The following GUCY1A2 variants were observed in gnomAD, a reference collection of about 807,000 sequenced individuals.
The protein encoded by GUCY1A2 is guanylate cyclase 1 soluble subunit alpha 2, also known as guanylate cyclase soluble subunit alpha-2.
A neutral mutation model predicts 63.5 loss-of-function variants in GUCY1A2; 27 were observed. That is an observed-to-expected ratio of 0.43 (90% CI 0.31 to 0.59). The LOEUF is 0.59. Among genes scored for constraint, GUCY1A2 ranks in the 20% least tolerant of loss-of-function variants. The pLI is 0.11. For missense variants in GUCY1A2, 768 were observed against 913.3 expected (o/e 0.84, Z 2.05); for synonymous variants, 364 against 343.5 (o/e 1.06, Z -0.66).
chr11:106,932,600 C>T (rs957212387), intron 4 of GUCY1A2, among the ~76,000 whole-genome samples: 4 of 152,052 alleles, frequency 2.6e-5, no homozygotes, highest in Admixed American at 6.6e-5. Flanking sequence ...CATTATTTTT[C>T]ACAGAACTGG....
chr11:106,968,168 T>C (rs1469101812), intron 3 of GUCY1A2, among the ~76,000 whole-genome samples: 1 of 152,212 alleles, frequency 6.6e-6, no homozygotes, highest in African/African-American at 2.4e-5. Context: ...TAAAATTATC[T>C]AGAGAATGTA....
chr11:106,887,604 G>A lies in GUCY1A2; in HGVS notation c.1206+51856C>T, dbSNP rs868127304. Among the ~76,000 whole-genome samples the A allele has an allele frequency of 1.1e-4, 16 of 152,262 alleles. 1 individual carries two copies. In the South Asian group the frequency reaches 3.1e-3, roughly 30 times the overall value. Reference sequence around the variant, plus strand: ...CACCAAAGCCCTGCTGAGACCTCATGCCAATCACTTCAATGACTCTGAGTC... The same window carrying A: ...CACCAAAGCCCTGCTGAGACCTCATACCAATCACTTCAATGACTCTGAGTC... On this transcript the variant is annotated intron_variant, in intron 4 of 7. Coordinates refer to ENST00000526355, the MANE Select transcript of GUCY1A2 (RefSeq NM_000855.3).
intron 4 of GUCY1A2, among the ~76,000 whole-genome samples, chr11:106,919,096 G>T (rs934288043): frequency 1.3e-5 from 2 of 152,208 alleles, no homozygotes; most frequent in African/African-American, 2.4e-5. Context: ...AGGAGGCATT[G>T]TCTCTGCCTG....
chr11:106,777,792 C>T (rs1424143312), intron 5 of GUCY1A2, among the ~76,000 whole-genome samples: 2 of 152,008 alleles, frequency 1.3e-5, no homozygotes, highest in Non-Finnish European at 2.9e-5. Flanking sequence ...ACAAAACCTG[C>T]ATGTTCTGCA....
intron 5 of GUCY1A2, among the ~76,000 whole-genome samples, chr11:106,781,956 C>T (rs1383179421): frequency 6.6e-6 from 1 of 152,168 alleles, no homozygotes; most frequent in Non-Finnish European, 1.5e-5. Context: ...TAACATTTTT[C>T]TCCTTGCCCT....
chr11:106,871,182 C>A (rs571286302), intron 4 of GUCY1A2, among the ~76,000 whole-genome samples: 1 of 152,196 alleles, frequency 6.6e-6, no homozygotes, highest in South Asian at 2.1e-4. Context: ...GATTAATCAA[C>A]CTTCAGTAAT....
At chr11:106,902,386 T>G (rs1440624537) in intron 4 of GUCY1A2, among the ~76,000 whole-genome samples, 1 of 152,186 alleles carries the variant, frequency 6.6e-6, no homozygotes, top group Admixed American at 6.5e-5. Context: ...AAACGAAAAT[T>G]GGTTTCAACT....
At chr11:106,964,908 A>G (rs1321299777) in intron 3 of GUCY1A2, among the ~76,000 whole-genome samples, 1 of 152,146 alleles carries the variant, frequency 6.6e-6, no homozygotes, top group Admixed American at 6.6e-5. Context: ...TGAACCCGGG[A>G]GGCAGAGCTT....
intron 7 of GUCY1A2, among the ~76,000 whole-genome samples, chr11:106,698,119 A>ATTTTTTTTT (rs71470827): frequency 0.022 from 2,236 of 100,372 alleles, 272 homozygotes; most frequent in South Asian, 0.046. Context: ...GAATGTTAGA[A>ATTTTTTTTT]TTTTTTTTTT....
intron 6 of GUCY1A2, among the ~76,000 whole-genome samples, chr11:106,729,761 G>A (rs903503470): frequency 5.3e-5 from 8 of 152,006 alleles, no homozygotes; most frequent in African/African-American, 1.9e-4. Context: ...TCTTGATATT[G>A]TTTCTCACAA....
intron 4 of GUCY1A2, among the ~76,000 whole-genome samples, chr11:106,907,259 T>C (rs1860223206): frequency 6.6e-6 from 1 of 152,132 alleles, no homozygotes; most frequent in Middle Eastern, 3.4e-3. Flanking sequence ...TGGCTTGCCA[T>C]AGTTGTGCCT....
intron 5 of GUCY1A2, among the ~76,000 whole-genome samples, chr11:106,788,641 A>C (rs1047895074): frequency 6.6e-6 from 1 of 152,198 alleles, no homozygotes; most frequent in Non-Finnish European, 1.5e-5. Flanking sequence ...TTTTCCCAGC[A>C]TCATTTATTG....
intron 3 of GUCY1A2, among the ~76,000 whole-genome samples, chr11:106,969,701 G>T (rs573006006): frequency 6.6e-6 from 1 of 152,192 alleles, no homozygotes; most frequent in African/African-American, 2.4e-5. Flanking sequence ...TTCTCACATA[G>T]TAAGGGAAGA....
intron 6 of GUCY1A2, among the ~76,000 whole-genome samples, chr11:106,756,082 A>T (rs564638346): frequency 6.6e-6 from 1 of 152,208 alleles, no homozygotes; most frequent in South Asian, 2.1e-4. Context: ...AGTTGCATTG[A>T]TCCCTTTACC....
chr11:106,796,847 C>G (rs758275481), intron 5 of GUCY1A2, among the ~76,000 whole-genome samples: 1 of 152,130 alleles, frequency 6.6e-6, no homozygotes, highest in Non-Finnish European at 1.5e-5. Flanking sequence ...GGAAGTTCTC[C>G]TGGATAATAA....
chr11:106,720,759 G>T (rs745961192), intron 6 of GUCY1A2, among the ~76,000 whole-genome samples: 5 of 152,114 alleles, frequency 3.3e-5, no homozygotes. Flanking sequence ...GCCTAAGGAG[G>T]TATGATTACC....
At chr11:106,991,533 CCTTTCA>C (rs1274630417) in intron 1 of GUCY1A2, among the ~76,000 whole-genome samples, 3 of 152,150 alleles carry the variant, frequency 2.0e-5, no homozygotes, top group Admixed American at 1.3e-4. Flanking sequence ...ACGGTTGAAA[CCTTTCA>C]CTTAAGATAT....
chr11:106,911,167 TACA>T (rs1240572352), intron 4 of GUCY1A2, among the ~76,000 whole-genome samples: 1 of 152,018 alleles, frequency 6.6e-6, no homozygotes, highest in Admixed American at 6.6e-5. Context: ...ATACAAGCTG[TACA>T]ATTTAATGTT....
At position 106,687,438 on chromosome 11, in the gene GUCY1A2, T is replaced by G; in HGVS notation, c.*111A>C. ...GCCTGACATAATACAGAAATTTTGC[T>G]GCTTGTTCTCAACAAAGCAATGAAA... is the stretch of plus-strand genomic sequence containing the variant. On this transcript the variant is annotated 3_prime_UTR_variant, in exon 8 of 8. Coordinates refer to ENST00000526355, the MANE Select transcript of GUCY1A2 (RefSeq NM_000855.3). 1.3e-6 allele frequency: 1 copy of G among 798,314 alleles called. No homozygotes were observed. Among genetic ancestry groups the G allele is most frequent in the Non-Finnish European group, 2.1e-6 (1 of 475,020 alleles). 49.5% of individuals were successfully genotyped at this position (798,314 alleles called of 1,614,324 possible). A position where few individuals can be genotyped will look rare whatever the true frequency, so the allele number is the denominator to read the frequency against.
Sources: gnomAD v4.1 joint callset for allele counts (sites outside exome capture counted in the v4.1 genomes callset) on GRCh38, gnomAD v4.1.1 for gene constraint, MANE v1.5 for transcripts, NCBI Gene and HGNC (gene_info 2026-07-23, HGNC 2026-07-21) for gene names.